Variants in CFAP20DC observed in about 807,000 individuals in gnomAD.
The protein encoded by CFAP20DC is protein CFAP20DC.
Under a neutral mutation model 101.7 loss-of-function variants are expected in CFAP20DC, and 84 were observed. The ratio of observed to expected loss-of-function variants is 0.83; its 90% CI spans 0.69 to 0.99. The LOEUF (loss-of-function observed/expected upper bound fraction) is 0.99. Among genes scored for constraint, CFAP20DC ranks in the 50% least tolerant of loss-of-function variants. The pLI, the probability that CFAP20DC is intolerant of heterozygous loss-of-function variation, is 0.00. For missense variants in CFAP20DC, 1,007 were observed against 970.3 expected, an observed-to-expected ratio of 1.04 and a Z score of -0.50; for synonymous variants, 359 against 351.2, an observed-to-expected ratio of 1.02 and a Z score of -0.25.
chr3:58,724,638 A>C lies in CFAP20DC; in HGVS notation c.198-7010T>G, dbSNP rs1190487206. Among the ~76,000 whole-genome samples the C allele has an allele frequency of 6.6e-6, 1 of 152,194 alleles. No homozygotes were observed. Among genetic ancestry groups the C allele is most frequent in the African/African-American group, 2.4e-5 (1 of 41,452 alleles). Reference sequence around the variant, plus strand: ...GCCACCCTTTCACTGTTTCGCCCGGAACATCTGCTTCTTAGATCTAAGTGA... The same window carrying C: ...GCCACCCTTTCACTGTTTCGCCCGGCACATCTGCTTCTTAGATCTAAGTGA... On this transcript the variant is annotated intron_variant, in intron 3 of 3. Transcript: ENST00000486145. The surrounding 1 kb of genome is among the most constrained non-coding windows in gnomAD (Gnocchi z 5.6).
intron 5 of CFAP20DC, among the ~76,000 whole-genome samples, chr3:58,931,670 G>C (rs889535452): frequency 6.6e-6 from 1 of 152,222 alleles, no homozygotes; most frequent in Non-Finnish European, 1.5e-5. Context: ...ATAGGGTCTG[G>C]AGTGGACCTC....
At chr3:58,793,839 G>A (rs1006204442) in intron 15 of CFAP20DC, among the ~76,000 whole-genome samples, 1 of 152,106 alleles carries the variant, frequency 6.6e-6, no homozygotes, top group Non-Finnish European at 1.5e-5. Flanking sequence ...CCAGATCTCA[G>A]GTTTCTTGTT....
intron 6 of CFAP20DC, among the ~76,000 whole-genome samples, chr3:58,890,086 T>C (rs998369980): frequency 2.7e-5 from 4 of 149,462 alleles, no homozygotes; most frequent in Admixed American, 6.6e-5. Flanking sequence ...CCAGACGGGG[T>C]GGTGGCCGGG....
chr3:58,760,555 G>A (rs1306589803), intron 15 of CFAP20DC, among the ~76,000 whole-genome samples: 1 of 152,110 alleles, frequency 6.6e-6, no homozygotes, highest in Non-Finnish European at 1.5e-5. Context: ...GCCCTGGCCA[G>A]AACTTCCAAC....
intron 3 of CFAP20DC, among the ~76,000 whole-genome samples, chr3:59,042,660 A>C (rs1699501810): frequency 6.6e-6 from 1 of 152,138 alleles, no homozygotes; most frequent in Non-Finnish European, 1.5e-5. Flanking sequence ...TTTTTAGTGG[A>C]GGAGTAACAT....
At chr3:58,827,844 T>A (rs577310902) in intron 14 of CFAP20DC, among the ~76,000 whole-genome samples, 29 of 152,288 alleles carry the variant, frequency 1.9e-4, no homozygotes, top group Non-Finnish European at 3.7e-4. Context: ...TCACAGCACA[T>A]GTGTGCCACT....
intron 4 of CFAP20DC, among the ~76,000 whole-genome samples, chr3:58,988,057 G>A (rs529916277): frequency 6.6e-6 from 1 of 152,030 alleles, no homozygotes; most frequent in South Asian, 2.1e-4. Flanking sequence ...TTAAATAAAG[G>A]AAAGAAAACT....
intron 4 of CFAP20DC, among the ~76,000 whole-genome samples, chr3:59,030,279 GA>G (rs1425018656): frequency 6.6e-6 from 1 of 152,080 alleles, no homozygotes; most frequent in Admixed American, 6.5e-5. Context: ...ATTTAAGGGG[GA>G]AAAAAAGCAG....
At chr3:58,765,791 G>C (rs990906039) in intron 15 of CFAP20DC, among the ~76,000 whole-genome samples, 1 of 152,118 alleles carries the variant, frequency 6.6e-6, no homozygotes, top group Non-Finnish European at 1.5e-5. Context: ...TTATCATTTA[G>C]TATCAGTGTA....
rs1032606883 is a variant in CFAP20DC, at chr3:58,899,092, T to C, written c.551-14383A>G. Among the ~76,000 whole-genome samples, 1 of 152,214 alleles carries C rather than the reference T, an allele frequency of 6.6e-6. No individual in the cohort carries two copies. The highest frequency in any genetic ancestry group is 1.5e-5 in the Non-Finnish European group (1 of 68,030). On this transcript the variant is annotated intron_variant, in intron 6 of 16. Coordinates refer to ENST00000482387, the MANE Select transcript of CFAP20DC (RefSeq NM_001394063.1). The surrounding 1 kb of genome is among the most constrained non-coding windows in gnomAD (Gnocchi z 5.0). ...TCTCCATCCCAGGGGGGTACTGACC[T>C]GTTGCCAGCCTGAACTGCACCTGTA...
At chr3:58,940,382 T>C (rs1419012843) in intron 4 of CFAP20DC, among the ~76,000 whole-genome samples, 1 of 152,250 alleles carries the variant, frequency 6.6e-6, no homozygotes, top group East Asian at 1.9e-4. Context: ...GCACAAATAC[T>C]TTCTTATGTT....
intron 15 of CFAP20DC, among the ~76,000 whole-genome samples, chr3:58,774,140 G>GA (rs1048287135): frequency 6.6e-6 from 1 of 151,726 alleles, no homozygotes; most frequent in Non-Finnish European, 1.5e-5. Context: ...GCTTAAAACA[G>GA]AAAAAACTAA....
chr3:58,819,497 G>T (rs1164443390), intron 14 of CFAP20DC, among the ~76,000 whole-genome samples: 1 of 149,682 alleles, frequency 6.7e-6, no homozygotes, highest in Non-Finnish European at 1.5e-5. Flanking sequence ...ACTACCATCA[G>T]AGAATACTAC....
intron 4 of CFAP20DC, among the ~76,000 whole-genome samples, chr3:58,951,845 C>T (rs57673222): frequency 6.6e-6 from 1 of 151,990 alleles, no homozygotes; most frequent in Non-Finnish European, 1.5e-5. Flanking sequence ...CAACATGGCA[C>T]ATGTATACAT....
intron 3 of CFAP20DC, among the ~76,000 whole-genome samples, chr3:59,039,951 A>T (rs1384057324): frequency 2.0e-5 from 3 of 152,048 alleles, no homozygotes; most frequent in African/African-American, 7.2e-5. Context: ...CATTCAACAG[A>T]GACATATAAA....
intron 7 of CFAP20DC, among the ~76,000 whole-genome samples, chr3:58,873,261 T>C (rs547578315): frequency 1.3e-4 from 20 of 148,794 alleles, no homozygotes; most frequent in South Asian, 1.3e-3. Flanking sequence ...CTGGATGCTG[T>C]AAGGCAAGTG....
intron 4 of CFAP20DC, among the ~76,000 whole-genome samples, chr3:59,020,619 G>C (rs2093784407): frequency 6.6e-6 from 1 of 151,982 alleles, no homozygotes; most frequent in African/African-American, 2.4e-5. Flanking sequence ...TTTTACGTAG[G>C]AGATTGAATA....
intron 5 of CFAP20DC, among the ~76,000 whole-genome samples, chr3:58,926,117 G>C (rs539449847): frequency 3.0e-4 from 46 of 152,058 alleles, no homozygotes; most frequent in African/African-American, 1.1e-3. Context: ...TGTAATCCCA[G>C]CACTTTGGGA....
At chr3:58,885,112 C>A (rs1236936075) in intron 6 of CFAP20DC, among the ~76,000 whole-genome samples, 2 of 151,982 alleles carry the variant, frequency 1.3e-5, no homozygotes, top group African/African-American at 4.8e-5. Context: ...ATTGAATAAC[C>A]TAAGCACCCA....
Sources: gnomAD v4.1 joint callset for allele counts (sites outside exome capture counted in the v4.1 genomes callset) on GRCh38, gnomAD v4.1.1 for gene constraint, Gnocchi (gnomAD v3.1) non-coding constraint, MANE v1.5 for transcripts, NCBI Gene and HGNC (gene_info 2026-07-23, HGNC 2026-07-21) for gene names.